NFAT5: variants seen among roughly 807,000 people sequenced by gnomAD.
The protein encoded by NFAT5 is nuclear factor of activated T cells 5.
NFAT5 carries 31 observed loss-of-function variants against 166.5 expected under a neutral mutation model. That is an observed-to-expected ratio of 0.19 (90% CI 0.14 to 0.25). NFAT5 has a LOEUF of 0.25. Ranked by LOEUF, NFAT5 falls within the 10% of genes least tolerant of loss-of-function variation. The pLI is 1.00. For synonymous variants in NFAT5, 612 were observed against 639.7 expected (o/e 0.96, Z 0.65); for missense variants, 1,449 against 1,821.8 (o/e 0.80, Z 3.72).
At chr16:69,584,516 G>A (rs1346096882) in intron 2 of NFAT5, among the ~76,000 whole-genome samples, 1 of 151,984 alleles carries the variant, frequency 6.6e-6, no homozygotes, top group Non-Finnish European at 1.5e-5. Flanking sequence ...TTTTAGTAGA[G>A]ACAGGGTTTC....
At chr16:69,694,563 T>G (rs1490816129) in intron 13 of NFAT5, among the ~76,000 whole-genome samples, 1 of 152,204 alleles carries the variant, frequency 6.6e-6, no homozygotes, top group Non-Finnish European at 1.5e-5. Context: ...CCTGTATAGT[T>G]GTTTTAAGAG....
intron 8 of NFAT5, 49 bp from the exon 9 acceptor site, chr16:69,670,187 T>A: frequency 6.5e-7 from 1 of 1,548,992 alleles, no homozygotes; most frequent in Non-Finnish European, 8.7e-7. Flanking sequence ...AGCTACAGAG[T>A]AAAAAAAATA....
chr16:69,614,323 G>A (rs1168870738), intron 2 of NFAT5, among the ~76,000 whole-genome samples: 1 of 152,040 alleles, frequency 6.6e-6, no homozygotes, highest in East Asian at 1.9e-4. Flanking sequence ...CTCGGCCCTA[G>A]ATTGGTTTTT....
At chr16:69,645,114 GA>G (rs1299418557) in intron 3 of NFAT5, among the ~76,000 whole-genome samples, 7 of 151,986 alleles carry the variant, frequency 4.6e-5, no homozygotes, top group African/African-American at 1.7e-4. Context: ...AAAAGACAAG[GA>G]AAAAAATTAT....
At chr16:69,656,149 C>CTAATTTTGTATTTTAGTAGAG (rs2035867001) in intron 6 of NFAT5, among the ~76,000 whole-genome samples, 1 of 151,808 alleles carries the variant, frequency 6.6e-6, no homozygotes, top group African/African-American at 2.4e-5. Flanking sequence ...GGTGTGGTGG[C>CTAATTTTGTATTTTAGTAGAG]ACGTGCCTGT....
chr16:69,627,353 TATATATATATATATATATATATATATATA>T (rs1567552983), intron 3 of NFAT5, among the ~76,000 whole-genome samples: 11 of 6,932 alleles, frequency 1.6e-3, no homozygotes, highest in African/African-American at 2.7e-3. Flanking sequence ...TATATATATA[TATATATATATATATATATATATATATATA>T]TTTTGAAGTT....
intron 2 of NFAT5, among the ~76,000 whole-genome samples, chr16:69,621,191 T>C (rs1414100413): frequency 6.6e-6 from 1 of 152,094 alleles, no homozygotes; most frequent in Non-Finnish European, 1.5e-5. Flanking sequence ...TAGAGCACTG[T>C]TAGATACCCT....
rs1289379585 is a variant in NFAT5, at chr16:69,697,114, T to G, written c.*763T>G. On this transcript the variant is annotated 3_prime_UTR_variant, in exon 15 of 15. Coordinates refer to ENST00000349945, the MANE Select transcript of NFAT5 (RefSeq NM_138713.4). ...GGATAATATATGATAAATTATGTTC[T>G]GATATCCTCCTACAGTAGTTTAAAT... The G allele has an allele frequency of 1.3e-5, 2 of 152,662 alleles. No individual in the cohort carries two copies. The highest frequency in any genetic ancestry group is 2.9e-5 in the Non-Finnish European group (2 of 68,042). 9.5% of individuals were successfully genotyped at this position (152,662 alleles called of 1,614,324 possible).
chr16:69,640,763 G>C (rs761529824), intron 3 of NFAT5, among the ~76,000 whole-genome samples: 19 of 151,164 alleles, frequency 1.3e-4, no homozygotes, highest in Non-Finnish European at 2.4e-4. Flanking sequence ...AGGCGGATCA[G>C]CTGAGGTCAG....
At chr16:69,583,538 A>C (rs114502838) in intron 2 of NFAT5, among the ~76,000 whole-genome samples, 3 of 152,216 alleles carry the variant, frequency 2.0e-5, no homozygotes. Context: ...TAAACACAAG[A>C]TTATGCATGT....
At chr16:69,678,932 C>CTCTTT (rs909064357) in intron 10 of NFAT5, among the ~76,000 whole-genome samples, 12 of 152,040 alleles carry the variant, frequency 7.9e-5, no homozygotes, top group East Asian at 7.7e-4. Flanking sequence ...ATTCACTATT[C>CTCTTT]TCTTTTCTTT....
intron 8 of NFAT5, 22 bp from the exon 9 acceptor site, chr16:69,670,214 A>T: frequency 6.7e-7 from 1 of 1,501,256 alleles, no homozygotes; most frequent in Non-Finnish European, 8.8e-7. Context: ...AAATTTAATA[A>T]ATCACTTTTT....
rs138802111 is a variant in NFAT5 at position 69,674,969 on chromosome 16, C to T, written c.1558-2234C>T. Among the ~76,000 whole-genome samples the T allele has an allele frequency of 2.2e-3, 339 of 152,212 alleles. 2 individuals carry two copies. Among genetic ancestry groups the T allele is most frequent in the South Asian group, 5.8e-3 (28 of 4,826 alleles). ...TTGTATGTTTTGTATGTACTGTATC[C>T]CTAGCTCAGTGATAGTTAATTGTTT... On this transcript the variant is annotated intron_variant, in intron 9 of 14. Transcript: ENST00000349945.
chr16:69,696,826 G>T lies in NFAT5; in HGVS notation c.*475G>T, dbSNP rs529835046. 2.0e-5 allele frequency: 3 copies of T among 152,612 alleles called. No homozygotes were observed. The South Asian group carries it at 6.2e-4, about 32-fold the overall frequency. 9.5% of individuals were successfully genotyped at this position (152,612 alleles called of 1,614,324 possible). ...GCTGTGATTTTTTTCAATATAAAAGGCACAGCTGTTGGCCAAAGTGAAGGA... is the reference window on the plus strand; with the variant it reads ...GCTGTGATTTTTTTCAATATAAAAGTCACAGCTGTTGGCCAAAGTGAAGGA... On this transcript the variant is annotated 3_prime_UTR_variant, in exon 15 of 15. Transcript: ENST00000349945.
At chr16:69,679,382 G>A (rs572830666) in intron 10 of NFAT5, among the ~76,000 whole-genome samples, 6 of 152,044 alleles carry the variant, frequency 3.9e-5, no homozygotes, top group East Asian at 2.0e-4. Flanking sequence ...TTGGGAGGCC[G>A]AGGTGGGCGA....
chr16:69,677,930 A>C (rs2036897001), intron 10 of NFAT5, among the ~76,000 whole-genome samples: 1 of 151,954 alleles, frequency 6.6e-6, no homozygotes, highest in Non-Finnish European at 1.5e-5. Flanking sequence ...AGGCGGGTGG[A>C]TCACCTGAGG....
chr16:69,657,192 ACG>A (rs2035916474), intron 6 of NFAT5, among the ~76,000 whole-genome samples: 2 of 151,514 alleles, frequency 1.3e-5, no homozygotes, highest in South Asian at 4.2e-4. Flanking sequence ...GTGGAGTGGC[ACG>A]ATCTCGGCTC....
intron 2 of NFAT5, among the ~76,000 whole-genome samples, chr16:69,610,833 C>T (rs2033672751): frequency 2.0e-5 from 3 of 151,932 alleles, no homozygotes; most frequent in Admixed American, 2.0e-4. Context: ...TCTTGCATGG[C>T]CCTCTATATA....
At chr16:69,653,733 C>T (rs1439404570) in intron 5 of NFAT5, among the ~76,000 whole-genome samples, 1 of 151,834 alleles carries the variant, frequency 6.6e-6, no homozygotes, top group African/African-American at 2.4e-5. Context: ...CCACCAGGCC[C>T]AGCTAATTTT....
Sources: allele counts gnomAD v4.1 joint callset (sites outside exome capture counted in the v4.1 genomes callset), GRCh38; gene constraint gnomAD v4.1.1; transcripts MANE v1.5; gene names NCBI Gene and HGNC (gene_info 2026-07-23, HGNC 2026-07-21).